Variants in CCN3 observed in about 807,000 individuals in gnomAD.
CCN3 encodes cellular communication network factor 3.
Under a neutral mutation model 33.4 loss-of-function variants are expected in CCN3, and 20 were observed. The observed-to-expected ratio is 0.60, with a 90% confidence interval of 0.42 to 0.87. CCN3 has a LOEUF of 0.87. Ranked by LOEUF, CCN3 falls within the 40% of genes least tolerant of loss-of-function variation. The probability of loss-of-function intolerance (pLI) is 0.00; values close to 1 mark genes in which losing one functional copy is unlikely to be tolerated. For synonymous variants in CCN3, 205 were observed against 170.4 expected, an observed-to-expected ratio of 1.20 and a Z score of -1.58; for missense variants, 465 against 455.3, an observed-to-expected ratio of 1.02 and a Z score of -0.19.
chr8:119,416,769 C>T lies in CCN3; in HGVS notation c.110C>T (p.Pro37Leu). ...GQVAATQRCP[P>L]QCPGRCPATP... ...GTCGCTGCGACTCAGCGCTGCCCTC[C>T]CCAGTGCCCGGGCCGGTGCCCTGCG... The change falls in exon 2 of 5, where the codon CCC becomes CTC. Residue 37 changes from proline to leucine, a missense_variant. Physicochemically the swap from Pro to Leu is moderately conservative, Grantham distance 98 (BLOSUM62 -3). Coordinates refer to ENST00000259526, the MANE Select transcript of CCN3 (RefSeq NM_002514.4). The T allele has an allele frequency of 6.3e-7, 1 of 1,593,398 alleles. No homozygotes were observed. The highest frequency in any genetic ancestry group is 8.5e-7 in the Non-Finnish European group (1 of 1,169,814).
Position 119,416,942 on chromosome 8 carries a change from C to T in CCN3, c.283C>T (p.Pro95Ser). The T allele has an allele frequency of 6.2e-7, 1 of 1,613,064 alleles. No individual in the cohort carries two copies. The highest frequency in any genetic ancestry group is 1.3e-5 in the African/African-American group (1 of 75,016). Residue 95 changes from proline to serine, a missense_variant, in exon 2 of 5, where the codon CCC becomes TCC. Transcript: ENST00000259526. ...SGLYCDRSAD[P>S]SNQTGICTAV... is the part of the protein sequence containing the mutation. ...CCTCTACTGTGATCGCAGCGCGGACCCCAGCAACCAGACTGGCATCTGCAC... is the reference window on the plus strand; with the variant it reads ...CCTCTACTGTGATCGCAGCGCGGACTCCAGCAACCAGACTGGCATCTGCAC...
intron 4 of CCN3, among the ~76,000 whole-genome samples, chr8:119,421,977 T>C (rs1369665561): frequency 6.6e-6 from 1 of 152,190 alleles, no homozygotes; most frequent in African/African-American, 2.4e-5. Context: ...TAACATGTTG[T>C]ATTAGTCCAT....
At position 119,423,363 on chromosome 8, in the gene CCN3, C is replaced by G; in HGVS notation, c.*231C>G. ...CAGGATATGGCTTAGGAATGACTTA[C>G]TTTCCTGTGGTTTTATTACAAATGC... On this transcript the variant is annotated 3_prime_UTR_variant, in exon 5 of 5. Transcript: ENST00000259526. 2 of 424,516 alleles carry G rather than the reference C, an allele frequency of 4.7e-6. No individual in the cohort carries two copies. The highest frequency in any genetic ancestry group is 1.3e-4 in the South Asian group (2 of 15,766). The allele number at this position is 424,516 out of a possible 1,614,324, so 26.3% of individuals were successfully genotyped here.
chr8:119,419,141 A>G lies in CCN3; in HGVS notation c.573A>G (p.Pro191=). 3 of 1,614,028 alleles carry G rather than the reference A, an allele frequency of 1.9e-6. No individual in the cohort carries two copies. The highest frequency in any genetic ancestry group is 2.5e-6 in the Non-Finnish European group (3 of 1,179,918). The change falls in exon 4 of 5, where the codon CCA becomes CCG. Residue 191 remains proline (P), a synonymous_variant. Coordinates refer to ENST00000259526, the MANE Select transcript of CCN3 (RefSeq NM_002514.4). ...LGGLTLAAYR[P]EATLGVEVSD... ...TTATACATCCCATAGCTTACAGGCC[A>G]GAAGCCACCCTAGGAGTAGAAGTCT...
chr8:119,422,560 C>G (rs1293280960), intron 4 of CCN3, among the ~76,000 whole-genome samples: 2 of 152,148 alleles, frequency 1.3e-5, no homozygotes, highest in Non-Finnish European at 2.9e-5. Flanking sequence ...AAAATGAATA[C>G]AGGAACAATA....
chr8:119,417,291 G>C (rs1217557535), intron 2 of CCN3, among the ~76,000 whole-genome samples: 1 of 152,086 alleles, frequency 6.6e-6, no homozygotes, highest in East Asian at 1.9e-4. Context: ...ACACTTCTAG[G>C]GGGCCACTTG....
chr8:119,422,359 ATT>A (rs1231508553), intron 4 of CCN3, among the ~76,000 whole-genome samples: 1 of 152,174 alleles, frequency 6.6e-6, no homozygotes, highest in Non-Finnish European at 1.5e-5. Context: ...ATGAGAAGAG[ATT>A]TGGGTATGAA....
chr8:119,416,959 C>T lies in CCN3; in HGVS notation c.300C>T (p.Gly100=), dbSNP rs1820060062. The change falls in exon 2 of 5, where the codon GGC becomes GGT. Residue 100 remains glycine, a synonymous_variant. Coordinates refer to ENST00000259526, the MANE Select transcript of CCN3 (RefSeq NM_002514.4). The part of the protein sequence containing the change: ...DRSADPSNQT[G]ICTAVEGDNC... Reference sequence around the variant, plus strand: ...GCGCGGACCCCAGCAACCAGACTGGCATCTGCACGGGTAATCCTGCTCCCT... The same window carrying T: ...GCGCGGACCCCAGCAACCAGACTGGTATCTGCACGGGTAATCCTGCTCCCT... 7 of 1,611,856 alleles carry T rather than the reference C, an allele frequency of 4.3e-6. No individual in the cohort carries two copies. Among genetic ancestry groups the T allele is most frequent in the Non-Finnish European group, 5.1e-6 (6 of 1,178,482 alleles).
chr8:119,419,555 C>T (rs1247936588), intron 4 of CCN3, among the ~76,000 whole-genome samples: 1 of 152,270 alleles, frequency 6.6e-6, no homozygotes, highest in Non-Finnish European at 1.5e-5. Flanking sequence ...ACTCACAGTA[C>T]ACCCTCAGGT....
At position 119,416,453 on chromosome 8, in the gene CCN3, G is replaced by C. The variant is rs766032319; in HGVS notation, c.-80G>C. 1 of 1,386,832 alleles carries C rather than the reference G, an allele frequency of 7.2e-7. No homozygotes were observed. Among genetic ancestry groups the C allele is most frequent in the Admixed American group, 1.8e-5 (1 of 54,204 alleles). 85.9% of individuals were successfully genotyped at this position (1,386,832 alleles called of 1,614,324 possible). A position where few individuals can be genotyped will look rare whatever the true frequency, so the allele number is the denominator to read the frequency against. ...GTGCTGGGCGTGATCGGCAAGCACC[G>C]GACCAGGGGGAAGGCGAGCAGTGCC... is the stretch of plus-strand genomic sequence containing the variant. On this transcript the variant is annotated 5_prime_UTR_variant, in exon 1 of 5. Coordinates refer to ENST00000259526, the MANE Select transcript of CCN3 (RefSeq NM_002514.4).
At chr8:119,421,463 A>T (rs1382047475) in intron 4 of CCN3, among the ~76,000 whole-genome samples, 1 of 152,172 alleles carries the variant, frequency 6.6e-6, no homozygotes, top group Non-Finnish European at 1.5e-5. Context: ...CCTCTAGATG[A>T]TTTTGATGTG....
intron 3 of CCN3, among the ~76,000 whole-genome samples, chr8:119,418,599 T>C (rs1820084382): frequency 6.6e-6 from 1 of 152,350 alleles, no homozygotes; most frequent in African/African-American, 2.4e-5. Context: ...ACTTGTATTT[T>C]AATCCATCCC....
intron 4 of CCN3, 73 bp downstream of exon 4, chr8:119,419,418 T>C: frequency 1.4e-6 from 2 of 1,432,268 alleles, no homozygotes; most frequent in Non-Finnish European, 2.0e-6. Context: ...CTTCAGAAAG[T>C]CACTGTGTCA....
At chr8:119,421,284 C>T (rs1444103922) in intron 4 of CCN3, among the ~76,000 whole-genome samples, 1 of 152,142 alleles carries the variant, frequency 6.6e-6, no homozygotes, top group East Asian at 1.9e-4. Context: ...GCTGGGATTA[C>T]CGGCCTGAGC....
intron 4 of CCN3, among the ~76,000 whole-genome samples, chr8:119,421,362 G>A (rs1172107952): frequency 3.3e-5 from 5 of 152,154 alleles, no homozygotes; most frequent in Non-Finnish European, 5.9e-5. Context: ...CTAAGAAGTT[G>A]TTAAAATGTA....
intron 2 of CCN3, among the ~76,000 whole-genome samples, chr8:119,417,289 A>G (rs1242714520): frequency 6.6e-6 from 1 of 152,062 alleles, no homozygotes; most frequent in African/African-American, 2.4e-5. Flanking sequence ...GGACACTTCT[A>G]GGGGGCCACT....
Position 119,422,491 on chromosome 8 carries a change from C to T in CCN3, c.778-345C>T, listed in dbSNP as rs190432361. 2.8e-4 allele frequency among the ~76,000 whole-genome samples: 42 copies of T among 152,284 alleles called. No homozygotes were observed. The Middle Eastern group carries it at 0.017, about 62-fold the overall frequency. On this transcript the variant is annotated intron_variant, in intron 4 of 4. Coordinates refer to ENST00000259526, the MANE Select transcript of CCN3 (RefSeq NM_002514.4). ...GCTTTCACCTGCATGCTCATCTCCTCAATGTCAAAAGACCATTATGTACAA... is the reference window on the plus strand; with the variant it reads ...GCTTTCACCTGCATGCTCATCTCCTTAATGTCAAAAGACCATTATGTACAA...
In CCN3 at chr8:119,416,825, G is replaced by C; in HGVS notation, c.166G>C (p.Ala56Pro). The change falls in exon 2 of 5, where the codon GCG (alanine) becomes CCG (proline). Residue 56 changes from alanine to proline, a missense_variant. Physicochemically the swap from Ala to Pro is conservative, Grantham distance 27. Transcript: ENST00000259526. ...GCCGACCTGCGCCCCCGGGGTGCGC[G>C]CGGTGCTGGACGGCTGCTCATGCTG... ...TPPTCAPGVR[A>P]VLDGCSCCLV... 1 of 1,610,392 alleles carries C rather than the reference G, an allele frequency of 6.2e-7. No homozygotes were observed. The highest frequency in any genetic ancestry group is 1.1e-5 in the South Asian group (1 of 90,686).
In CCN3 at chr8:119,418,074, C is replaced by T. The variant is rs1185272830; in HGVS notation, c.327C>T (p.Asn109=). The T allele has an allele frequency of 6.2e-7, 1 of 1,613,526 alleles. No homozygotes were observed. Among genetic ancestry groups the T allele is most frequent in the Non-Finnish European group, 8.5e-7 (1 of 1,179,454 alleles). Residue 109 remains asparagine, a synonymous_variant, in exon 3 of 5, where the codon AAC becomes AAT. Transcript: ENST00000259526. ...TGICTAVEGD[N]CVFDGVIYRS... is the part of the protein sequence containing the mutation. The stretch of plus-strand genomic sequence containing the variant: ...ATATTCTAGCGGTAGAGGGAGATAA[C>T]TGTGTGTTCGATGGGGTCATCTACC...
Sources: allele counts gnomAD v4.1 joint callset (sites outside exome capture counted in the v4.1 genomes callset), GRCh38; gene constraint gnomAD v4.1.1; transcripts MANE v1.5; gene names NCBI Gene and HGNC (gene_info 2026-07-23, HGNC 2026-07-21).